Variants in NBPF15 observed in about 807,000 individuals in gnomAD.
NBPF15 encodes the protein NBPF member 15, also known as NBPF family member NBPF15.
In NBPF15, 74 loss-of-function variants were observed where a neutral mutation model predicts 62.2. The observed-to-expected ratio is 1.19, with a 90% confidence interval of 0.99 to 1.44. NBPF15 has a LOEUF of 1.44. NBPF15 is among the 40% of genes most tolerant of loss of function. NBPF15 has a pLI of 0.00. For synonymous variants in NBPF15, 244 were observed against 209.7 expected (o/e 1.16, Z -1.41); for missense variants, 790 against 550.0 (o/e 1.44, Z -4.36).
chr1:144,436,962 C>T lies in NBPF15; in HGVS notation c.426G>A (p.Gln142=), dbSNP rs1678987542. 6.2e-7 allele frequency: 1 copy of T among 1,611,810 alleles called. No homozygotes were observed. Among genetic ancestry groups the T allele is most frequent in the Admixed American group, 1.7e-5 (1 of 59,962 alleles). The change falls in exon 10 of 22, where the codon CAG becomes CAA. Residue 142 remains glutamine, a synonymous_variant. Coordinates refer to ENST00000581897, the MANE Select transcript of NBPF15 (RefSeq NM_001385408.1). ...CCTCAGCCAGCTGTTCTTGGAGGTC[C>T]TGCCCCTGGGACTTGTCCGGCTCAT... ...TPDEPDKSQG[Q]DLQEQLAEGC... is the part of the protein sequence containing the mutation.
At position 144,438,676 on chromosome 1, in the gene NBPF15, T is replaced by A. The variant is rs1228466962; in HGVS notation, c.176-629A>T. ...CAACTAATAGATAGTGTTTACTGTG[T>A]GCCAATAAATGTTCTAGGAGATTGA... On this transcript the variant is annotated intron_variant, in intron 8 of 21. Transcript: ENST00000581897. 2.8e-4 allele frequency among the ~76,000 whole-genome samples: 42 copies of A among 152,108 alleles called. No individual in the cohort carries two copies. The East Asian group carries it at 7.9e-3, about 29-fold the overall frequency.
At chr1:144,447,423 G>C (rs1319426690) in intron 6 of NBPF15, among the ~76,000 whole-genome samples, 3 of 151,854 alleles carry the variant, frequency 2.0e-5, no homozygotes, top group African/African-American at 7.3e-5. Context: ...CAGTGCCAGA[G>C]CAGGGAGGGA....
chr1:144,457,195 C>A (rs1553547198), intron 3 of NBPF15, among the ~76,000 whole-genome samples: 1 of 151,880 alleles, frequency 6.6e-6, no homozygotes. Flanking sequence ...CTTGAGTAGC[C>A]AGGGAAGTTT....
intron 3 of NBPF15, among the ~76,000 whole-genome samples, 186 bp downstream of exon 3, chr1:144,459,180 G>T (rs1346677694): frequency 6.6e-6 from 1 of 151,880 alleles, no homozygotes; most frequent in African/African-American, 2.4e-5. Flanking sequence ...GATTGATAAA[G>T]TATAATTTCA....
rs1324616935 is a variant in NBPF15, at chr1:144,446,269, A to G, written c.-191+2506T>C. ...TATACAGAAATACAAAAGACCACTTATATTGAGAGCTTACATTCTGCAACA... is the reference window on the plus strand; with the variant it reads ...TATACAGAAATACAAAAGACCACTTGTATTGAGAGCTTACATTCTGCAACA... On this transcript the variant is annotated intron_variant, in intron 6 of 21. Transcript: ENST00000581897. 2.0e-5 allele frequency among the ~76,000 whole-genome samples: 3 copies of G among 148,482 alleles called. No individual in the cohort carries two copies. The East Asian group carries it at 5.8e-4, about 29-fold the overall frequency.
At chr1:144,442,573 C>G (rs1684334999) in intron 6 of NBPF15, 1 of 152,526 alleles carries the variant, frequency 6.6e-6, no homozygotes, top group Non-Finnish European at 1.5e-5. Context: ...AGAGGAGCCC[C>G]TGCAGCAACG....
At chr1:144,426,954 A>C in intron 17 of NBPF15, 93 bp downstream of exon 17, 1 of 641,554 alleles carries the variant, frequency 1.6e-6, no homozygotes, top group East Asian at 2.7e-5. Flanking sequence ...ACCTTCGTTG[A>C]AAACATGAAA....
At chr1:144,431,365 T>C (rs1238003301) in intron 13 of NBPF15, among the ~76,000 whole-genome samples, 9,310 of 138,950 alleles carry the variant, frequency 0.067, 842 homozygotes, top group African/African-American at 0.22. Flanking sequence ...ATCAGACTAG[T>C]AGCAGATCTC....
In NBPF15 at chr1:144,448,885, T is replaced by C; in HGVS notation, c.-301A>G. ...GATCTGAGTTTCTCCAGGTATGATA[T>C]TATTTTGTTTGACCATCCTTATCTT... On this transcript the variant is annotated 5_prime_UTR_variant, in exon 6 of 22. Transcript: ENST00000581897. The C allele has an allele frequency of 2.1e-6, 1 of 474,722 alleles. No individual in the cohort carries two copies. Among genetic ancestry groups the C allele is most frequent in the Non-Finnish European group, 3.6e-6 (1 of 275,846 alleles). 29.4% of individuals were successfully genotyped at this position (474,722 alleles called of 1,614,324 possible).
In NBPF15 at chr1:144,461,381, C is replaced by A. The variant is rs1371161308; in HGVS notation, c.-938G>T. ...GTGTACCCGCGGGTCCCGGACTCAC[C>A]GCCCGCCCGGCCTGGCGCGGCGCCT... is the stretch of plus-strand genomic sequence containing the variant. On this transcript the variant is annotated splice_region_variant and 5_prime_UTR_variant, in exon 1 of 22. Coordinates refer to ENST00000581897, the MANE Select transcript of NBPF15 (RefSeq NM_001385408.1). 2 of 151,894 alleles carry A rather than the reference C, an allele frequency of 1.3e-5. No individual in the cohort carries two copies. The highest frequency in any genetic ancestry group is 4.8e-5 in the African/African-American group (2 of 41,346). The allele number at this position is 151,894 out of a possible 1,614,324, so 9.4% of individuals were successfully genotyped here.
At chr1:144,460,273 G>T (rs1651730370) in intron 2 of NBPF15, among the ~76,000 whole-genome samples, 1 of 114,900 alleles carries the variant, frequency 8.7e-6, no homozygotes, top group Non-Finnish European at 1.8e-5. Flanking sequence ...GAAATCCTGG[G>T]CTCAAGTGAT....
chr1:144,458,110 G>A (rs1405148633), intron 3 of NBPF15, among the ~76,000 whole-genome samples: 3 of 151,766 alleles, frequency 2.0e-5, no homozygotes, highest in South Asian at 2.1e-4. Context: ...AAAATTGTTC[G>A]ATGTAGTCCT....
intron 6 of NBPF15, among the ~76,000 whole-genome samples, chr1:144,446,220 C>CA (rs1553544019): frequency 1.3e-5 from 2 of 151,002 alleles, no homozygotes; most frequent in African/African-American, 4.9e-5. Context: ...ATTCTTATTT[C>CA]ATTTTCCAAA....
chr1:144,452,476 A>G (rs783907), intron 4 of NBPF15, among the ~76,000 whole-genome samples: 2,329 of 149,340 alleles, frequency 0.016, 78 homozygotes, highest in African/African-American at 0.054. Context: ...CTTTCCAAAT[A>G]TTTATTCTAT....
Position 144,422,978 on chromosome 1 carries a change from G to T in NBPF15, c.*35C>A. 6.2e-7 allele frequency: 1 copy of T among 1,611,642 alleles called. No individual in the cohort carries two copies. Among genetic ancestry groups the T allele is most frequent in the Non-Finnish European group, 8.5e-7 (1 of 1,179,608 alleles). On this transcript the variant is annotated 3_prime_UTR_variant, in exon 22 of 22. Transcript: ENST00000581897. Reference sequence around the variant, plus strand: ...CTTCTCGTGCCTATAGGTCCTGCCTGCAGGAATGACATCTCTCGGCTTAGT... The same window carrying T: ...CTTCTCGTGCCTATAGGTCCTGCCTTCAGGAATGACATCTCTCGGCTTAGT...
intron 13 of NBPF15, among the ~76,000 whole-genome samples, chr1:144,431,459 T>C (rs1405746919): frequency 6.8e-6 from 1 of 147,498 alleles, no homozygotes; most frequent in Non-Finnish European, 1.5e-5. Context: ...TTTCCTTTAT[T>C]ATTTTTTGTG....
intron 2 of NBPF15, among the ~76,000 whole-genome samples, chr1:144,459,874 T>A (rs1651232485): frequency 6.6e-6 from 1 of 151,806 alleles, no homozygotes; most frequent in Admixed American, 6.6e-5. Context: ...GTACAACCAC[T>A]TTGGGAAAAC....
Position 144,427,104 on chromosome 1 carries a change from A to G in NBPF15, c.1214-6T>C, listed in dbSNP as rs1553539419. 1.6e-5 allele frequency: 9 copies of G among 568,108 alleles called. No individual in the cohort carries two copies. Among genetic ancestry groups the G allele is most frequent in the Admixed American group, 6.5e-5 (2 of 30,636 alleles). The allele number at this position is 568,108 out of a possible 1,614,324, so 35.2% of individuals were successfully genotyped here. ...TTCTTGGTACTTTTCAATTTCTGCAATAAGTTCAGACATGGACAGACATAT... is the reference window on the plus strand; with the variant it reads ...TTCTTGGTACTTTTCAATTTCTGCAGTAAGTTCAGACATGGACAGACATAT... On this transcript the variant is annotated splice_region_variant and splice_polypyrimidine_tract_variant and intron_variant, in intron 16 of 21. Transcript: ENST00000581897.
intron 6 of NBPF15, among the ~76,000 whole-genome samples, chr1:144,442,184 T>C (rs1475029966): frequency 8.8e-6 from 1 of 114,234 alleles, no homozygotes; most frequent in Non-Finnish European, 1.8e-5. Flanking sequence ...ATATATAATA[T>C]ATATACACGT....
Sources: allele counts gnomAD v4.1 joint callset (sites outside exome capture counted in the v4.1 genomes callset), GRCh38; gene constraint gnomAD v4.1.1; transcripts MANE v1.5; gene names NCBI Gene and HGNC (gene_info 2026-07-23, HGNC 2026-07-21).